Variants in TRPM3 observed in about 807,000 individuals in gnomAD.
The protein encoded by TRPM3 is long transient receptor potential channel 3.
TRPM3 carries 77 observed loss-of-function variants against 181.2 expected under a neutral mutation model. The ratio of observed to expected loss-of-function variants is 0.42; its 90% CI spans 0.35 to 0.51. TRPM3 has a LOEUF of 0.51. TRPM3 is among the 20% of genes least tolerant of loss of function. The pLI is 0.01. For synonymous variants in TRPM3, 745 were observed against 796.4 expected, an observed-to-expected ratio of 0.94 and a Z score of 1.09; for missense variants, 1,759 against 2,196.7, an observed-to-expected ratio of 0.80 and a Z score of 3.98.
intron 1 of TRPM3, among the ~76,000 whole-genome samples, chr9:71,252,665 T>C (rs1316712617): frequency 6.6e-6 from 1 of 151,948 alleles, no homozygotes; most frequent in East Asian, 1.9e-4. Flanking sequence ...TCAAAAATAA[T>C]AGAAAGACTT....
intron 1 of TRPM3, among the ~76,000 whole-genome samples, chr9:71,071,004 T>C (rs527315193): frequency 1.3e-5 from 2 of 152,308 alleles, no homozygotes; most frequent in East Asian, 3.9e-4. Context: ...TGGGACCTCA[T>C]CATAGAGGGC....
chr9:71,129,057 T>C (rs148368000), intron 1 of TRPM3, among the ~76,000 whole-genome samples: 1 of 152,332 alleles, frequency 6.6e-6, no homozygotes, highest in East Asian at 1.9e-4. Context: ...GCAGTAACTC[T>C]GCTTGGTAGA....
intron 5 of TRPM3, among the ~76,000 whole-genome samples, chr9:70,841,603 G>GAT: frequency 9.9e-6 from 1 of 101,372 alleles, no homozygotes; most frequent in Non-Finnish European, 2.1e-5. Context: ...TGGAGGATTG[G>GAT]ATATATATAT....
At chr9:71,011,573 A>T (rs2097740406) in intron 1 of TRPM3, among the ~76,000 whole-genome samples, 2 of 152,018 alleles carry the variant, frequency 1.3e-5, no homozygotes, top group South Asian at 4.1e-4. Flanking sequence ...TATTAGGAAG[A>T]TTAGTCATTC....
At chr9:70,750,986 A>T (rs1446975629) in intron 8 of TRPM3, among the ~76,000 whole-genome samples, 5 of 152,156 alleles carry the variant, frequency 3.3e-5, no homozygotes, top group Non-Finnish European at 7.3e-5. Context: ...CCAAGAAAAA[A>T]AAAAAAGGTC....
chr9:71,270,680 T>C (rs1369147608), intron 1 of TRPM3, among the ~76,000 whole-genome samples: 3 of 152,168 alleles, frequency 2.0e-5, no homozygotes, highest in Admixed American at 2.0e-4. Context: ...CCTTTACTCC[T>C]GGTATACATG....
chr9:71,417,041 TA>T (rs1281407847), intron 1 of TRPM3, among the ~76,000 whole-genome samples: 1 of 152,054 alleles, frequency 6.6e-6, no homozygotes, highest in Non-Finnish European at 1.5e-5. Context: ...ATTGTAGAGA[TA>T]TATCACAATT....
chr9:71,351,225 CAG>C (rs1403481750), intron 1 of TRPM3, among the ~76,000 whole-genome samples: 1 of 152,152 alleles, frequency 6.6e-6, no homozygotes, highest in Non-Finnish European at 1.5e-5. Context: ...GGAATACAAC[CAG>C]AGTGTTGGCT....
Position 71,288,076 on chromosome 9 carries a change from A to G in TRPM3, c.183+158577T>C, listed in dbSNP as rs555177643. 7.2e-5 allele frequency among the ~76,000 whole-genome samples: 11 copies of G among 152,110 alleles called. No individual in the cohort carries two copies. In the East Asian group the frequency reaches 1.5e-3, roughly 21 times the overall value. On this transcript the variant is annotated intron_variant, in intron 1 of 24. Coordinates refer to the TRPM3 transcript ENST00000357533. ...ATTAAATATTTTTAAAATGTTAAAT[A>G]TTTTTTGTTGGCTTGATGGAAGTTT... is the stretch of plus-strand genomic sequence containing the variant.
At chr9:70,671,192 G>GTAT (rs1238054362) in intron 9 of TRPM3, among the ~76,000 whole-genome samples, 2 of 152,150 alleles carry the variant, frequency 1.3e-5, no homozygotes, top group South Asian at 2.1e-4. Context: ...TTACAACTGT[G>GTAT]TATTATTATT....
At chr9:71,293,209 A>G (rs1387281723) in intron 1 of TRPM3, among the ~76,000 whole-genome samples, 1 of 151,914 alleles carries the variant, frequency 6.6e-6, no homozygotes, top group Non-Finnish European at 1.5e-5. Context: ...ATAATGAAAT[A>G]TTAAAATTAT....
intron 1 of TRPM3, among the ~76,000 whole-genome samples, chr9:71,098,277 C>G (rs1418622124): frequency 6.6e-6 from 1 of 151,882 alleles, no homozygotes; most frequent in Non-Finnish European, 1.5e-5. Context: ...CAGTGTGAAC[C>G]TAGTGGCACC....
chr9:70,652,047 A>G (rs984651427), intron 9 of TRPM3, among the ~76,000 whole-genome samples: 3 of 152,168 alleles, frequency 2.0e-5, no homozygotes, highest in African/African-American at 7.2e-5. Context: ...ATATGAATAG[A>G]TCGACATGGG....
chr9:71,446,602 T>A (rs1326166223), intron 1 of TRPM3: 1 of 1,526,466 alleles, frequency 6.6e-7, no homozygotes, highest in Admixed American at 2.0e-5. Context: ...TCAAGTCGCG[T>A]GCGAAGGGAG....
chr9:71,286,376 T>A (rs906017733), intron 1 of TRPM3, among the ~76,000 whole-genome samples: 1 of 152,196 alleles, frequency 6.6e-6, no homozygotes, highest in Non-Finnish European at 1.5e-5. Flanking sequence ...TTGCCCTTCA[T>A]GTGCAAAGCT....
intron 1 of TRPM3, among the ~76,000 whole-genome samples, chr9:71,160,145 T>C (rs898327182): frequency 6.6e-6 from 1 of 152,152 alleles, no homozygotes; most frequent in Non-Finnish European, 1.5e-5. Context: ...TTTGGCCTTG[T>C]AACTCTTTTC....
chr9:70,655,577 T>C (rs117422900), intron 9 of TRPM3, among the ~76,000 whole-genome samples: 383 of 152,276 alleles, frequency 2.5e-3, no homozygotes, highest in Non-Finnish European at 4.6e-3. Flanking sequence ...GTAAAAGCTA[T>C]AGGATCTTTG....
intron 1 of TRPM3, among the ~76,000 whole-genome samples, chr9:71,147,179 T>C (rs1353838770): frequency 6.6e-6 from 1 of 152,116 alleles, no homozygotes; most frequent in African/African-American, 2.4e-5. Flanking sequence ...ACTTGCAACC[T>C]ACAGTGAAAA....
At chr9:70,814,868 CTTCCCTCCCTCT>C (rs546565142) in intron 6 of TRPM3, among the ~76,000 whole-genome samples, 54 of 151,314 alleles carry the variant, frequency 3.6e-4, no homozygotes, top group East Asian at 9.8e-4. Flanking sequence ...TCCCTTCCTG[CTTCCCTCCCTCT>C]TTCCCTCCCT....
Sources: gnomAD v4.1 joint callset for allele counts (sites outside exome capture counted in the v4.1 genomes callset) on GRCh38, gnomAD v4.1.1 for gene constraint, MANE v1.5 for transcripts, NCBI Gene and HGNC (gene_info 2026-07-23, HGNC 2026-07-21) for gene names.